The following MIER1 variants were observed in gnomAD, a reference collection of about 807,000 sequenced individuals.
MIER1 encodes mesoderm induction early response protein 1.
Under a neutral mutation model 75.7 loss-of-function variants are expected in MIER1, and 40 were observed. That is an observed-to-expected ratio of 0.53 (90% CI 0.41 to 0.69). The LOEUF (loss-of-function observed/expected upper bound fraction) is 0.69. Ranked by LOEUF, MIER1 falls within the 30% of genes least tolerant of loss-of-function variation. The pLI, the probability that MIER1 is intolerant of heterozygous loss-of-function variation, is 0.00. For missense variants in MIER1, 574 were observed against 680.2 expected (o/e 0.84, Z 1.74); for synonymous variants, 213 against 223.4 (o/e 0.95, Z 0.42).
At chr1:66,930,530 A>G in intron 2 of MIER1, 1 of 975,384 alleles carries the variant, frequency 1.0e-6, no homozygotes, top group East Asian at 2.9e-5. Flanking sequence ...GTTGTCCGGA[A>G]CAGGCCATTC....
rs1426180421 is a variant in MIER1 at position 66,986,463 on chromosome 1, T to C, written c.*1563T>C. On this transcript the variant is annotated 3_prime_UTR_variant, in exon 14 of 14. Transcript: ENST00000401041. ...GCCATCAGTTCAAGAGCCAATGCCT[T>C]TTTAAAATAAAGCTTCTGTGGTCTT... 3.1e-6 allele frequency: 5 copies of C among 1,608,200 alleles called. No individual in the cohort carries two copies. The African/African-American group carries it at 5.5e-5, about 18-fold the overall frequency.
In MIER1 at chr1:66,966,210, G is replaced by A. The variant is rs190372133; in HGVS notation, c.772+3050G>A. The stretch of plus-strand genomic sequence containing the variant: ...TTCTCCCCACCCCACGACAGGCCCC[G>A]GTGTGTGATGTTCCCTTTCCTGTGT... On this transcript the variant is annotated intron_variant, in intron 8 of 13. Transcript: ENST00000401041. Among the ~76,000 whole-genome samples, 48 of 152,078 alleles carry A rather than the reference G, an allele frequency of 3.2e-4. 1 individual carries two copies. The South Asian group carries it at 8.3e-3, about 26-fold the overall frequency.
chr1:66,929,070 G>A, intron 2 of MIER1: 2 of 748,458 alleles, frequency 2.7e-6, no homozygotes, highest in Non-Finnish European at 4.5e-6. Context: ...TGAATCTTTG[G>A]AAATAGGAAA....
At chr1:66,933,744 G>C (rs1222607341) in intron 2 of MIER1, among the ~76,000 whole-genome samples, 1 of 152,128 alleles carries the variant, frequency 6.6e-6, no homozygotes, top group Admixed American at 6.5e-5. Flanking sequence ...ACCAGTGCGT[G>C]AGAGTCCTAA....
chr1:66,927,888 T>G (rs1262434432), intron 2 of MIER1, among the ~76,000 whole-genome samples: 3 of 152,038 alleles, frequency 2.0e-5, no homozygotes, highest in African/African-American at 7.2e-5. Flanking sequence ...CTATAACTAG[T>G]GAATAGTTAA....
chr1:66,956,366 A>G (rs1431665308), intron 4 of MIER1, among the ~76,000 whole-genome samples: 1 of 152,174 alleles, frequency 6.6e-6, no homozygotes, highest in African/African-American at 2.4e-5. Context: ...GTGAGCAGTG[A>G]TCATGCCACT....
At chr1:66,936,736 C>G (rs529007902) in intron 2 of MIER1, among the ~76,000 whole-genome samples, 2 of 151,872 alleles carry the variant, frequency 1.3e-5, no homozygotes, top group African/African-American at 4.8e-5. Flanking sequence ...TGCGGTGGCT[C>G]ACATCTGTAA....
intron 4 of MIER1, among the ~76,000 whole-genome samples, chr1:66,951,586 A>G (rs1248325789): frequency 4.7e-5 from 7 of 148,366 alleles, no homozygotes; most frequent in Non-Finnish European, 1.0e-4. Flanking sequence ...TTTTTTTTTA[A>G]GTTAATTTTT....
chr1:66,958,501 T>C (rs1660619439), intron 5 of MIER1, among the ~76,000 whole-genome samples: 1 of 152,064 alleles, frequency 6.6e-6, no homozygotes, highest in African/African-American at 2.4e-5. Context: ...TTTTAAATAA[T>C]AAAGGCTAAT....
intron 8 of MIER1, among the ~76,000 whole-genome samples, chr1:66,965,465 A>T (rs541976536): frequency 3.3e-5 from 5 of 152,156 alleles, no homozygotes; most frequent in African/African-American, 1.2e-4. Flanking sequence ...ATATGTTCGT[A>T]TTATATATCA....
At chr1:66,934,405 CTTTTT>C (rs34839262) in intron 2 of MIER1, among the ~76,000 whole-genome samples, 2 of 135,516 alleles carry the variant, frequency 1.5e-5, no homozygotes, top group Admixed American at 7.7e-5. Flanking sequence ...TTCTTTCTTT[CTTTTT>C]TTTTTTTTTT....
Position 66,963,137 on chromosome 1 carries a change from G to T in MIER1, c.749G>T (p.Cys250Phe). 2 of 1,611,280 alleles carry T rather than the reference G, an allele frequency of 1.2e-6. No homozygotes were observed. Among genetic ancestry groups the T allele is most frequent in the Non-Finnish European group, 1.7e-6 (2 of 1,177,764 alleles). Reference sequence around the variant, plus strand: ...CAAGCAGAAATTCCAGTTGGCATTTGTAGATACAAAGAAAATGAAAAAGGT... The same window carrying T: ...CAAGCAGAAATTCCAGTTGGCATTTTTAGATACAAAGAAAATGAAAAAGGT... ...MFQAEIPVGI[C>F]RYKENEKVYE... Residue 250 changes from cysteine (C) to phenylalanine (F), a missense_variant, in exon 8 of 14, where the codon TGT becomes TTT. By Grantham distance (205) the Cys-to-Phe change is radical (BLOSUM62 -2). This residue lies in a region of MIER1 where 309 missense variants were observed against 352.8 expected (regional missense o/e 0.88). Coordinates refer to ENST00000401041, the MANE Select transcript of MIER1 (RefSeq NM_001077700.3).
intron 8 of MIER1, among the ~76,000 whole-genome samples, chr1:66,967,623 A>G (rs573534998): frequency 9.2e-5 from 14 of 151,422 alleles, no homozygotes; most frequent in South Asian, 2.1e-4. Context: ...CTTTGAATCC[A>G]TGAATGTGGA....
intron 4 of MIER1, among the ~76,000 whole-genome samples, chr1:66,956,481 G>A (rs1434211704): frequency 6.6e-6 from 1 of 152,118 alleles, no homozygotes; most frequent in African/African-American, 2.4e-5. Context: ...TTGAAGTTTT[G>A]TTTTAGTTCC....
intron 13 of MIER1, among the ~76,000 whole-genome samples, chr1:66,983,906 A>G (rs1251681500): frequency 6.6e-6 from 1 of 152,140 alleles, no homozygotes; most frequent in African/African-American, 2.4e-5. Context: ...TTGTATTTTT[A>G]GTAGAGACAA....
chr1:66,962,607 G>C (rs771912316), intron 7 of MIER1, among the ~76,000 whole-genome samples: 9 of 152,066 alleles, frequency 5.9e-5, no homozygotes, highest in Non-Finnish European at 1.3e-4. Context: ...GCTTGAGCCT[G>C]GGAGGTCGAG....
chr1:66,934,748 G>C (rs764800134), intron 2 of MIER1, among the ~76,000 whole-genome samples: 1 of 152,060 alleles, frequency 6.6e-6, no homozygotes, highest in Non-Finnish European at 1.5e-5. Flanking sequence ...GTAGTAAATT[G>C]CTAATTTTAA....
At chr1:66,945,307 AT>A in intron 3 of MIER1, among the ~76,000 whole-genome samples, 2 of 137,418 alleles carry the variant, frequency 1.5e-5, no homozygotes, top group African/African-American at 3.1e-5. Context: ...ATATATATAT[AT>A]ATATATATAA....
In MIER1 at chr1:66,958,203, T is replaced by C. The variant is rs1194964738; in HGVS notation, c.484T>C (p.Cys162Arg). 1.3e-5 allele frequency: 21 copies of C among 1,602,606 alleles called. No homozygotes were observed. Among genetic ancestry groups the C allele is most frequent in the Non-Finnish European group, 1.8e-5 (21 of 1,170,252 alleles). ...EDADNDDNSGCSGENKEENIK... is the reference protein window; with the variant it reads ...EDADNDDNSGRSGENKEENIK... Reference sequence around the variant, plus strand: ...TGCTGATAATGATGACAACAGTGGCTGTAGTGGGGAAAATAAAGTAAGTCT... The same window carrying C: ...TGCTGATAATGATGACAACAGTGGCCGTAGTGGGGAAAATAAAGTAAGTCT... The change falls in exon 5 of 14, where the codon TGT (cysteine) becomes CGT (arginine). Residue 162 changes from cysteine (C) to arginine (R), a missense_variant. Physicochemically the swap from Cys to Arg is radical, Grantham distance 180. Transcript: ENST00000401041.
Sources: gnomAD v4.1 joint callset for allele counts (sites outside exome capture counted in the v4.1 genomes callset) on GRCh38, gnomAD v4.1.1 for gene constraint, gnomAD v4.1.1 regional missense constraint, MANE v1.5 for transcripts, NCBI Gene and HGNC (gene_info 2026-07-23, HGNC 2026-07-21) for gene names.